The following GALNT18 variants were observed in gnomAD, a reference collection of about 807,000 sequenced individuals.
The protein encoded by GALNT18 is GalNAc-transferase 18.
In GALNT18, 44 loss-of-function variants were observed where a neutral mutation model predicts 69.5. That is an observed-to-expected ratio of 0.63 (90% CI 0.50 to 0.81). GALNT18 has a LOEUF of 0.81. Ranked by LOEUF, GALNT18 falls within the 40% of genes least tolerant of loss-of-function variation. GALNT18 has a pLI of 0.00. For synonymous variants in GALNT18, 364 were observed against 318.2 expected, an observed-to-expected ratio of 1.14 and a Z score of -1.53; for missense variants, 715 against 810.0, an observed-to-expected ratio of 0.88 and a Z score of 1.42.
intron 8 of GALNT18, among the ~76,000 whole-genome samples, chr11:11,331,916 T>C (rs1367643817): frequency 6.6e-6 from 1 of 152,176 alleles, no homozygotes; most frequent in Non-Finnish European, 1.5e-5. Flanking sequence ...CCAGGGAATA[T>C]TGAGAAAATG....
chr11:11,502,841 C>T (rs766172325), intron 1 of GALNT18, among the ~76,000 whole-genome samples: 1 of 152,176 alleles, frequency 6.6e-6, no homozygotes, highest in African/African-American at 2.4e-5. Flanking sequence ...TCCTTCCCAG[C>T]TCCAGTCCTT....
At chr11:11,615,916 T>C (rs1211380058) in intron 1 of GALNT18, among the ~76,000 whole-genome samples, 1 of 152,238 alleles carries the variant, frequency 6.6e-6, no homozygotes. Context: ...ATGTAACATA[T>C]AATACAGGCA....
Position 11,387,751 on chromosome 11 carries a change from C to T in GALNT18, c.596-8487G>A, listed in dbSNP as rs560368510. Among the ~76,000 whole-genome samples the T allele has an allele frequency of 6.6e-5, 10 of 152,288 alleles. No individual in the cohort carries two copies. The highest frequency in any genetic ancestry group is 1.4e-4 in the African/African-American group (6 of 41,542). On this transcript the variant is annotated intron_variant, in intron 3 of 10. Coordinates refer to ENST00000227756, the MANE Select transcript of GALNT18 (RefSeq NM_198516.3). The surrounding 1 kb of genome is among the most constrained non-coding windows in gnomAD (Gnocchi z 4.6). ...TTAAATAAAGACAGATGTCACCGTC[C>T]GCACCTCCATGGAGAATCTGGAGTG...
rs1490380781 is a variant in GALNT18 at position 11,521,152 on chromosome 11, C to A, written c.236-72216G>T. The stretch of plus-strand genomic sequence containing the variant: ...TTCCTTTCCACCCAAGGCCCACCAC[C>A]TCCTGGCTCTCTTTTGTGCCCCATA... On this transcript the variant is annotated intron_variant, in intron 1 of 10. Coordinates refer to ENST00000227756, the MANE Select transcript of GALNT18 (RefSeq NM_198516.3). Among the ~76,000 whole-genome samples the A allele has an allele frequency of 2.0e-5, 3 of 151,822 alleles. No homozygotes were observed. In the East Asian group the frequency reaches 5.8e-4, roughly 29 times the overall value.
chr11:11,386,579 T>C (rs1489723956), intron 3 of GALNT18, among the ~76,000 whole-genome samples: 4 of 152,246 alleles, frequency 2.6e-5, no homozygotes, highest in African/African-American at 9.6e-5. Flanking sequence ...ATATTGACCC[T>C]ATTTCTCTCT....
rs967409878 is a variant in GALNT18, at chr11:11,387,796, G to T, written c.596-8532C>A. 2.0e-5 allele frequency among the ~76,000 whole-genome samples: 3 copies of T among 152,224 alleles called. No individual in the cohort carries two copies. The highest frequency in any genetic ancestry group is 7.2e-5 in the African/African-American group (3 of 41,460). On this transcript the variant is annotated intron_variant, in intron 3 of 10. Coordinates refer to ENST00000227756, the MANE Select transcript of GALNT18 (RefSeq NM_198516.3). This position sits in a 1 kb window ranked among gnomAD's most constrained non-coding sequence, Gnocchi z 4.6. ...GGAGTGGGGGCTCAGGACTCAGATG[G>T]TCCTGCTGATGAATGATGGTGAGCC...
At chr11:11,521,078 C>T (rs985840273) in intron 1 of GALNT18, among the ~76,000 whole-genome samples, 11 of 151,714 alleles carry the variant, frequency 7.3e-5, no homozygotes, top group African/African-American at 2.2e-4. Flanking sequence ...ACAGCAGCCA[C>T]GGGCTGGCAA....
In GALNT18 at chr11:11,396,284, G is replaced by A. The variant is rs1854325141; in HGVS notation, c.596-17020C>T. ...ACAGTGTTTGGCTTTCTCGATTCTGGCCTGGGATCCACAAGACATGGATCA... is the reference window on the plus strand; with the variant it reads ...ACAGTGTTTGGCTTTCTCGATTCTGACCTGGGATCCACAAGACATGGATCA... On this transcript the variant is annotated intron_variant, in intron 3 of 10. Coordinates refer to ENST00000227756, the MANE Select transcript of GALNT18 (RefSeq NM_198516.3). The surrounding 1 kb of genome is among the most constrained non-coding windows in gnomAD (Gnocchi z 5.2). Among the ~76,000 whole-genome samples, 3 of 152,326 alleles carry A rather than the reference G, an allele frequency of 2.0e-5. No individual in the cohort carries two copies. Among genetic ancestry groups the A allele is most frequent in the Admixed American group, 1.3e-4 (2 of 15,300 alleles).
At chr11:11,284,764 A>C (rs573319133) in intron 10 of GALNT18, among the ~76,000 whole-genome samples, 1 of 152,306 alleles carries the variant, frequency 6.6e-6, no homozygotes, top group Admixed American at 6.5e-5. Flanking sequence ...GTAGTTAATG[A>C]TTAGTAATCA....
chr11:11,502,374 G>T (rs917762935), intron 1 of GALNT18, among the ~76,000 whole-genome samples: 3 of 152,216 alleles, frequency 2.0e-5, no homozygotes, highest in Non-Finnish European at 4.4e-5. Context: ...GAGCATGTGT[G>T]GCCTTTGAGA....
At chr11:11,346,461 C>G (rs1225648306) in intron 6 of GALNT18, among the ~76,000 whole-genome samples, 1 of 152,188 alleles carries the variant, frequency 6.6e-6, no homozygotes, top group African/African-American at 2.4e-5. Flanking sequence ...TCTTCAAACT[C>G]AAGTGGTTTT....
rs577149784 is a variant in GALNT18, at chr11:11,608,126, T to C, written c.235+13233A>G. Among the ~76,000 whole-genome samples the C allele has an allele frequency of 4.6e-5, 7 of 152,312 alleles. No homozygotes were observed. The East Asian group carries it at 9.7e-4, about 21-fold the overall frequency. ...CTGGGCTCCCCTGGAGCCTAACTTA[T>C]GACCATCTGAGGCTTGACTTACGTG... On this transcript the variant is annotated intron_variant, in intron 1 of 10. Coordinates refer to ENST00000227756, the MANE Select transcript of GALNT18 (RefSeq NM_198516.3).
intron 6 of GALNT18, among the ~76,000 whole-genome samples, chr11:11,361,851 G>A (rs1850652986): frequency 6.6e-6 from 1 of 152,146 alleles, no homozygotes; most frequent in Admixed American, 6.5e-5. Flanking sequence ...CTTGTGTCTT[G>A]CCTAGATCTT....
rs772052576 is a variant in GALNT18 at position 11,352,123 on chromosome 11, G to A, written c.1093-11119C>T. ...CCTGGCATGCTAGATGAACCCATTCGAGCCTGGTCCTTCACAACAGTGTAG... is the reference window on the plus strand; with the variant it reads ...CCTGGCATGCTAGATGAACCCATTCAAGCCTGGTCCTTCACAACAGTGTAG... On this transcript the variant is annotated intron_variant, in intron 6 of 10. Transcript: ENST00000227756. 77 of 1,613,514 alleles carry A rather than the reference G, an allele frequency of 4.8e-5. 1 individual carries two copies. In the South Asian group the frequency reaches 6.3e-4, roughly 13 times the overall value.
intron 10 of GALNT18, among the ~76,000 whole-genome samples, chr11:11,284,275 G>A (rs968828552): frequency 6.6e-6 from 1 of 152,218 alleles, no homozygotes; most frequent in Non-Finnish European, 1.5e-5. Flanking sequence ...TGGTGCCTAC[G>A]TGTGGTACAG....
chr11:11,291,650 T>TGCCACCTGCATCC (rs1849301173), intron 10 of GALNT18, among the ~76,000 whole-genome samples: 1 of 152,038 alleles, frequency 6.6e-6, no homozygotes, highest in South Asian at 2.1e-4. Flanking sequence ...CTCACAGAGC[T>TGCCACCTGCATCC]GCCACCTGCA....
At chr11:11,285,336 A>G (rs996048590) in intron 10 of GALNT18, among the ~76,000 whole-genome samples, 1 of 152,176 alleles carries the variant, frequency 6.6e-6, no homozygotes, top group African/African-American at 2.4e-5. Flanking sequence ...GGGGATAATT[A>G]TAGTAAGTAC....
intron 1 of GALNT18, among the ~76,000 whole-genome samples, chr11:11,609,590 A>C (rs894726123): frequency 2.6e-5 from 4 of 152,216 alleles, no homozygotes; most frequent in African/African-American, 7.2e-5. Flanking sequence ...ACATACCAAA[A>C]GAAGGCAGCG....
rs527398217 is a variant in GALNT18 at position 11,452,471 on chromosome 11, C to T, written c.236-3535G>A. On this transcript the variant is annotated intron_variant, in intron 1 of 10. Coordinates refer to ENST00000227756, the MANE Select transcript of GALNT18 (RefSeq NM_198516.3). ...AAAGCCCACAGCCCTATCGGGCCGCCGGAGTTGGGACAGGAAGGTGACCTT... is the reference window on the plus strand; with the variant it reads ...AAAGCCCACAGCCCTATCGGGCCGCTGGAGTTGGGACAGGAAGGTGACCTT... 4.7e-4 allele frequency among the ~76,000 whole-genome samples: 71 copies of T among 152,338 alleles called. No homozygotes were observed. The South Asian group carries it at 0.01, about 22-fold the overall frequency.
Sources: gnomAD v4.1 joint callset for allele counts (sites outside exome capture counted in the v4.1 genomes callset) on GRCh38, gnomAD v4.1.1 for gene constraint, Gnocchi (gnomAD v3.1) non-coding constraint, MANE v1.5 for transcripts, NCBI Gene and HGNC (gene_info 2026-07-23, HGNC 2026-07-21) for gene names.